Variants in ILDR2 observed in about 807,000 individuals in gnomAD.
The protein encoded by ILDR2 is immunoglobulin like domain containing receptor 2.
Under a neutral mutation model 66.8 loss-of-function variants are expected in ILDR2, and 25 were observed. The observed-to-expected ratio is 0.37, with a 90% CI of 0.27 to 0.52. The LOEUF is 0.52. Ranked by LOEUF, ILDR2 falls within the 20% of genes least tolerant of loss-of-function variation. The pLI, the probability that ILDR2 is intolerant of heterozygous loss-of-function variation, is 0.88. For missense variants in ILDR2, 827 were observed against 876.8 expected (o/e 0.94, Z 0.72); for synonymous variants, 367 against 357.2 (o/e 1.03, Z -0.31).
At chr1:166,906,747 T>C (rs932201531), downstream of ILDR2, among the ~76,000 whole-genome samples, 1 of 152,212 alleles carries the variant, frequency 6.6e-6, no homozygotes, top group Admixed American at 6.5e-5. Flanking sequence ...CCACTTGTTA[T>C]TTGAGTTTTC....
At chr1:166,965,741 T>TTC (rs1662914071) in intron 1 of ILDR2, among the ~76,000 whole-genome samples, 1 of 131,716 alleles carries the variant, frequency 7.6e-6, no homozygotes, top group African/African-American at 3.4e-5. Context: ...CCCAGCTAAT[T>TTC]TTTTTTTTTT....
intron 3 of ILDR2, among the ~76,000 whole-genome samples, chr1:166,954,937 T>C (rs1662184993): frequency 1.3e-5 from 2 of 152,212 alleles, no homozygotes; most frequent in Admixed American, 6.5e-5. Flanking sequence ...TGGCCTCCTT[T>C]TCCTGCACAG....
At chr1:166,903,869 C>CGATA (rs1424751968), downstream of ILDR2, among the ~76,000 whole-genome samples, 1 of 152,206 alleles carries the variant, frequency 6.6e-6, no homozygotes, top group Non-Finnish European at 1.5e-5. Context: ...TTCTTCTTAT[C>CGATA]CTTCAAGTAA....
intron 2 of ILDR2, among the ~76,000 whole-genome samples, chr1:166,901,575 G>GT (rs959343394): frequency 5.0e-4 from 76 of 151,878 alleles, no homozygotes; most frequent in Middle Eastern, 6.8e-3. Context: ...GTCCCAATTT[G>GT]TTTTTTTTAT....
In ILDR2 at chr1:166,909,744, TA is replaced by T. The variant is rs1659424111; in HGVS notation, c.*9610del. 1 of 110,196 alleles carries T rather than the reference TA, an allele frequency of 9.1e-6. No individual in the cohort carries two copies. Among genetic ancestry groups the T allele is most frequent in the African/African-American group, 4.1e-5 (1 of 24,630 alleles). 6.8% of individuals were successfully genotyped at this position (110,196 alleles called of 1,614,324 possible). On this transcript the variant is annotated 3_prime_UTR_variant, in exon 10 of 10. Transcript: ENST00000271417. ...GTGTGTGTGTATACATACATATATATATATATATATATATAAATATATATAA... is the reference window on the plus strand; with the variant it reads ...GTGTGTGTGTATACATACATATATATTATATATATATATAAATATATATAA...
chr1:166,965,004 T>C (rs1332145609), intron 1 of ILDR2, among the ~76,000 whole-genome samples: 1 of 152,204 alleles, frequency 6.6e-6, no homozygotes, highest in East Asian at 1.9e-4. Context: ...AGATTGCTGC[T>C]AAAGGTCATG....
At chr1:166,951,301 A>C (rs1181162224) in intron 3 of ILDR2, among the ~76,000 whole-genome samples, 1 of 152,216 alleles carries the variant, frequency 6.6e-6, no homozygotes, top group Non-Finnish European at 1.5e-5. Context: ...CCATGCAGAG[A>C]GATCCTGCCT....
intron 3 of ILDR2, among the ~76,000 whole-genome samples, chr1:166,950,683 A>G (rs1402279929): frequency 1.3e-5 from 2 of 152,066 alleles, no homozygotes; most frequent in African/African-American, 4.8e-5. Flanking sequence ...TTAAAGCAGA[A>G]TAACAATTTC....
At chr1:166,943,829 A>G in intron 3 of ILDR2, 11 of 985,294 alleles carry the variant, frequency 1.1e-5, no homozygotes, top group Non-Finnish European at 1.3e-5. Flanking sequence ...TGGCAATTAC[A>G]AGTCACTTTA....
intron 1 of ILDR2, 121 bp downstream of exon 1, chr1:166,975,102 C>A (rs1663517458): frequency 1.4e-5 from 11 of 792,420 alleles, no homozygotes; most frequent in Non-Finnish European, 1.9e-5. Context: ...TTCCACCAGA[C>A]CGCTAAGCAG....
chr1:166,925,461 G>A (rs1204072984), intron 7 of ILDR2, among the ~76,000 whole-genome samples: 2 of 152,114 alleles, frequency 1.3e-5, no homozygotes, highest in African/African-American at 2.4e-5. Context: ...TGAAGGGGAC[G>A]GATTCAACAA....
At chr1:166,932,900 T>C (rs1419563352) in intron 6 of ILDR2, among the ~76,000 whole-genome samples, 1 of 152,248 alleles carries the variant, frequency 6.6e-6, no homozygotes, top group Non-Finnish European at 1.5e-5. Context: ...TTTTTAATGT[T>C]CTTTAAAGAA....
intron 7 of ILDR2, among the ~76,000 whole-genome samples, chr1:166,924,958 G>A (rs376204295): frequency 2.0e-5 from 3 of 152,190 alleles, no homozygotes; most frequent in Admixed American, 6.5e-5. Flanking sequence ...CGAGGCTGCA[G>A]TGAGCTGTGT....
chr1:166,948,558 G>A (rs1661777036), intron 3 of ILDR2, among the ~76,000 whole-genome samples: 2 of 152,136 alleles, frequency 1.3e-5, no homozygotes, highest in Admixed American at 6.5e-5. Flanking sequence ...GCTTCCAACA[G>A]CAACCAAAAG....
At position 166,921,299 on chromosome 1, in the gene ILDR2, G is replaced by T. The variant is rs151270470; in HGVS notation, c.1292C>A (p.Ala431Glu). The change falls in exon 9 of 10, where the codon GCG (alanine) becomes GAG (glutamate). Residue 431 changes from alanine (A) to glutamate (E), a missense_variant. Physicochemically the swap from Ala to Glu is moderately radical, Grantham distance 107 (BLOSUM62 -1). Coordinates refer to ENST00000271417, the MANE Select transcript of ILDR2 (RefSeq NM_199351.3). This position sits in a 1 kb window ranked among gnomAD's most constrained non-coding sequence, Gnocchi z 5.3. Reference protein sequence around the residue: ...GVPAVSMDELAAFADSYGQRP... With the variant: ...GVPAVSMDELEAFADSYGQRP... ...CTGGCCGTAGGAGTCAGCGAAGGCC[G>T]CCAGCTCGTCCATGGAAACGGCCGG... is the stretch of plus-strand genomic sequence containing the variant. 15 of 1,595,552 alleles carry T rather than the reference G, an allele frequency of 9.4e-6. No individual in the cohort carries two copies. The highest frequency in any genetic ancestry group is 1.7e-5 in the Admixed American group (1 of 59,560).
chr1:166,947,020 TAATA>T (rs1206469723), intron 3 of ILDR2, among the ~76,000 whole-genome samples: 1 of 152,162 alleles, frequency 6.6e-6, no homozygotes, highest in Non-Finnish European at 1.5e-5. Context: ...TGCTACAAAC[TAATA>T]AACAACAAAA....
chr1:166,952,895 A>C (rs972627832), intron 3 of ILDR2, among the ~76,000 whole-genome samples: 31 of 152,222 alleles, frequency 2.0e-4, no homozygotes, highest in African/African-American at 7.5e-4. Context: ...TAACTAGGAT[A>C]TTAGGCATAA....
chr1:166,907,333 GT>G (rs1397924703), downstream of ILDR2, among the ~76,000 whole-genome samples: 4 of 152,296 alleles, frequency 2.6e-5, no homozygotes, highest in Non-Finnish European at 5.9e-5. Context: ...TGGAGAAGAG[GT>G]TTCCTTTTGA....
At position 166,909,734 on chromosome 1, in the gene ILDR2, T is replaced by TAC. The variant is rs1264498613; in HGVS notation, c.*9619_*9620dup. ...ACATATATATGTGTGTGTGTATACA[T>TAC]ACATATATATATATATATATATATA... On this transcript the variant is annotated 3_prime_UTR_variant, in exon 10 of 10. Coordinates refer to ENST00000271417, the MANE Select transcript of ILDR2 (RefSeq NM_199351.3). 3 of 78,094 alleles carry TAC rather than the reference T, an allele frequency of 3.8e-5. No individual in the cohort carries two copies. The highest frequency in any genetic ancestry group is 2.6e-4 in the Admixed American group (2 of 7,694). 4.8% of individuals were successfully genotyped at this position (78,094 alleles called of 1,614,324 possible).
Sources: allele counts gnomAD v4.1 joint callset (sites outside exome capture counted in the v4.1 genomes callset), GRCh38; gene constraint gnomAD v4.1.1; non-coding constraint Gnocchi (gnomAD v3.1); transcripts MANE v1.5; gene names NCBI Gene and HGNC (gene_info 2026-07-23, HGNC 2026-07-21).